CTCF: variants seen among roughly 807,000 people sequenced by gnomAD.
CTCF encodes the protein CCCTC-binding factor.
Under a neutral mutation model 72.3 loss-of-function variants are expected in CTCF, and 7 were observed. The observed-to-expected ratio is 0.10, with a 90% confidence interval of 0.06 to 0.18. The LOEUF (loss-of-function observed/expected upper bound fraction) is 0.18, where lower values mean the gene tolerates loss of function less well. CTCF is among the 10% of genes least tolerant of loss of function. The probability of loss-of-function intolerance (pLI) is 1.00; values close to 1 mark genes in which losing one functional copy is unlikely to be tolerated. For synonymous variants in CTCF, 374 were observed against 315.8 expected, an observed-to-expected ratio of 1.18 and a Z score of -1.95; for missense variants, 516 against 949.1, an observed-to-expected ratio of 0.54 and a Z score of 6.00.
chr16:67,594,522 G>GAAACTTTGTCTTTCAAAGTTTCT (rs2051786637), intron 2 of CTCF, among the ~76,000 whole-genome samples: 1 of 152,026 alleles, frequency 6.6e-6, no homozygotes, highest in Non-Finnish European at 1.5e-5. Flanking sequence ...GCAACATAAT[G>GAAACTTTGTCTTTCAAAGTTTCT]AAACTTTGTC....
chr16:67,581,528 G>C (rs915815552), intron 2 of CTCF, among the ~76,000 whole-genome samples: 3 of 151,786 alleles, frequency 2.0e-5, no homozygotes, highest in Non-Finnish European at 4.4e-5. Context: ...TTTTCAGACA[G>C]AGTCTTCCTC....
Position 67,621,580 on chromosome 16 carries a change from A to C in CTCF, c.1346A>C (p.Lys449Thr). ...CACTGTGACACAGTCATAGCCCGAAAAAGTGATTTGGGTAAGTAGATTAAC... is the reference window on the plus strand; with the variant it reads ...CACTGTGACACAGTCATAGCCCGAACAAGTGATTTGGGTAAGTAGATTAAC... Reference protein sequence around the residue: ...CPHCDTVIARKSDLGVHLRKQ... With the variant: ...CPHCDTVIARTSDLGVHLRKQ... The change falls in exon 7 of 12, where the codon AAA becomes ACA. Residue 449 changes from lysine (K) to threonine (T), a missense_variant. Around this residue, in one of 7 missense-constraint regions of CTCF, gnomAD observed 81 missense variants for 184.3 expected, o/e 0.44. Coordinates refer to ENST00000264010, the MANE Select transcript of CTCF (RefSeq NM_006565.4). 6.2e-7 allele frequency: 1 copy of C among 1,605,300 alleles called. No homozygotes were observed. Among genetic ancestry groups the C allele is most frequent in the Non-Finnish European group, 8.5e-7 (1 of 1,172,816 alleles).
intron 10 of CTCF, among the ~76,000 whole-genome samples, chr16:67,633,781 GACACACACACACACACACAC>G (rs10587869): frequency 7.0e-6 from 1 of 143,106 alleles, no homozygotes; most frequent in African/African-American, 2.6e-5. Flanking sequence ...CTTGTCCCCT[GACACACACACACACACACAC>G]ACACACACAC....
rs1597723147 is a variant in CTCF at position 67,624,069 on chromosome 16, ATATGTGTGTGTGTGTG to A, written c.1357+2480_1358-2469del. On this transcript the variant is annotated intron_variant, in intron 7 of 11. Coordinates refer to ENST00000264010, the MANE Select transcript of CTCF (RefSeq NM_006565.4). ...TCTCAAAAAAAAAAAAAAAAATTAT[ATATGTGTGTGTGTGTG>A]TGTGTGTGTGTGTGTGTGTGTGTGT... 1.7e-4 allele frequency among the ~76,000 whole-genome samples: 16 copies of A among 91,502 alleles called. No homozygotes were observed. In the East Asian group the frequency reaches 5.0e-3, roughly 29 times the overall value. 60.0% of individuals were successfully genotyped at this position (91,502 alleles called of 152,430 possible).
chr16:67,635,017 TTTTG>T (rs576747365), intron 10 of CTCF, among the ~76,000 whole-genome samples: 69 of 150,688 alleles, frequency 4.6e-4, no homozygotes, highest in Non-Finnish European at 8.4e-4. Context: ...TTGTTTTTGT[TTTTG>T]TTTGTTTGTT....
intron 2 of CTCF, among the ~76,000 whole-genome samples, chr16:67,576,982 C>A (rs979460104): frequency 1.3e-5 from 2 of 151,860 alleles, no homozygotes; most frequent in Admixed American, 6.6e-5. Context: ...GAGGGGACTG[C>A]GAATTTGGAT....
intron 10 of CTCF, among the ~76,000 whole-genome samples, chr16:67,630,222 G>T (rs2052346243): frequency 6.6e-6 from 1 of 152,166 alleles, no homozygotes; most frequent in African/African-American, 2.4e-5. Context: ...CTAGATAAGA[G>T]CAGTGAATCT....
rs572244294 is a variant in CTCF at position 67,632,505 on chromosome 16, G to T, written c.1837+2972G>T. ...GCTCCATGCCACTGTTGGCCATGCA[G>T]TCTTACTTGTCCTGACCCAGAAGTT... On this transcript the variant is annotated intron_variant, in intron 10 of 11. Coordinates refer to ENST00000264010, the MANE Select transcript of CTCF (RefSeq NM_006565.4). 2.0e-5 allele frequency among the ~76,000 whole-genome samples: 3 copies of T among 152,334 alleles called. No homozygotes were observed. In the South Asian group the frequency reaches 6.2e-4, roughly 32 times the overall value.
intron 7 of CTCF, among the ~76,000 whole-genome samples, chr16:67,623,619 A>G (rs2052234102): frequency 6.6e-6 from 1 of 151,618 alleles, no homozygotes; most frequent in Non-Finnish European, 1.5e-5. Context: ...TGGGTGACAG[A>G]GAGACCCCAT....
intron 1 of CTCF, among the ~76,000 whole-genome samples, chr16:67,566,515 TAAAAAAA>T (rs377253111): frequency 5.5e-4 from 42 of 76,274 alleles, no homozygotes; most frequent in Middle Eastern, 0.012. Context: ...GTCTCAAAAT[TAAAAAAA>T]AAAAAAAAAA....
At chr16:67,616,630 C>A in intron 4 of CTCF, 115 bp from the exon 5 acceptor site, 2 of 1,179,276 alleles carry the variant, frequency 1.7e-6, no homozygotes, top group Non-Finnish European at 1.2e-6. Context: ...CAAGCTACTG[C>A]AGTTGATGGG....
At chr16:67,577,647 G>T (rs1440052600) in intron 2 of CTCF, among the ~76,000 whole-genome samples, 1 of 151,290 alleles carries the variant, frequency 6.6e-6, no homozygotes. Flanking sequence ...GGATTTCACT[G>T]TGTTAGCCAG....
intron 5 of CTCF, among the ~76,000 whole-genome samples, chr16:67,618,171 G>C (rs1046689528): frequency 6.6e-6 from 1 of 152,234 alleles, no homozygotes; most frequent in African/African-American, 2.4e-5. Context: ...TTGGGAGGTT[G>C]AGGTGGGCAG....
At chr16:67,581,590 G>A (rs1353908364) in intron 2 of CTCF, among the ~76,000 whole-genome samples, 4 of 151,880 alleles carry the variant, frequency 2.6e-5, no homozygotes, top group East Asian at 1.9e-4. Flanking sequence ...TACAACCTCC[G>A]CCTCCCAGGT....
At chr16:67,625,424 T>A (rs1382035738) in intron 7 of CTCF, among the ~76,000 whole-genome samples, 3 of 152,238 alleles carry the variant, frequency 2.0e-5, no homozygotes, top group Non-Finnish European at 4.4e-5. Flanking sequence ...GGTCTTGAAC[T>A]CGTCACCTCA....
At chr16:67,608,485 A>G (rs2052008995) in intron 2 of CTCF, among the ~76,000 whole-genome samples, 1 of 152,158 alleles carries the variant, frequency 6.6e-6, no homozygotes, top group Non-Finnish European at 1.5e-5. Context: ...GTCTGGATCT[A>G]AGTTCTGAGT....
At chr16:67,609,185 G>A (rs904677080) in intron 2 of CTCF, among the ~76,000 whole-genome samples, 3 of 152,162 alleles carry the variant, frequency 2.0e-5, no homozygotes, top group Non-Finnish European at 2.9e-5. Flanking sequence ...TGGAAATGTG[G>A]CAAGACCCCA....
At chr16:67,586,697 T>C (rs2051673657) in intron 2 of CTCF, among the ~76,000 whole-genome samples, 1 of 152,214 alleles carries the variant, frequency 6.6e-6, no homozygotes, top group South Asian at 2.1e-4. Flanking sequence ...TTTAAACTTC[T>C]ACATGTGTAT....
At chr16:67,572,378 G>A (rs1456134173) in intron 2 of CTCF, 1 of 152,144 alleles carries the variant, frequency 6.6e-6, no homozygotes, top group African/African-American at 2.4e-5. Flanking sequence ...ACCTTTAAGA[G>A]TTTAGGGAAT....
Sources: allele counts gnomAD v4.1 joint callset (sites outside exome capture counted in the v4.1 genomes callset), GRCh38; gene constraint gnomAD v4.1.1; regional missense constraint gnomAD v4.1.1; transcripts MANE v1.5; gene names NCBI Gene and HGNC (gene_info 2026-07-23, HGNC 2026-07-21).